RPS6KC1: variants seen among roughly 807,000 people sequenced by gnomAD.
RPS6KC1 encodes the protein ribosomal protein S6 kinase C1, also known as inactive ribosomal protein S6 kinase delta-1.
Under a neutral mutation model 103.8 loss-of-function variants are expected in RPS6KC1, and 54 were observed. The ratio of observed to expected loss-of-function variants is 0.52; its 90% CI spans 0.42 to 0.65. The LOEUF (loss-of-function observed/expected upper bound fraction) is 0.65. Among genes scored for constraint, RPS6KC1 ranks in the 30% least tolerant of loss-of-function variants. The pLI, the probability that RPS6KC1 is intolerant of heterozygous loss-of-function variation, is 0.00. For synonymous variants in RPS6KC1, 439 were observed against 438.7 expected, an observed-to-expected ratio of 1.00 and a Z score of -0.01; for missense variants, 1,151 against 1,253.8, an observed-to-expected ratio of 0.92 and a Z score of 1.24.
At chr1:213,514,915 G>T in the RPS6KC1 span, among the ~76,000 whole-genome samples, 2 of 152,082 alleles carry the variant, frequency 1.3e-5, no homozygotes, top group Non-Finnish European at 2.9e-5. Flanking sequence ...TTTAATGATC[G>T]CCATTCTAAC....
chr1:213,584,038 T>C, the RPS6KC1 span, among the ~76,000 whole-genome samples: 16 of 152,154 alleles, frequency 1.1e-4, no homozygotes, highest in African/African-American at 3.9e-4. Flanking sequence ...TGGGAGATAA[T>C]TGAATCATGG....
the RPS6KC1 span, among the ~76,000 whole-genome samples, chr1:213,489,134 C>G: frequency 6.6e-6 from 1 of 152,164 alleles, no homozygotes; most frequent in Non-Finnish European, 1.5e-5. Flanking sequence ...AAGAAGTCCC[C>G]TGGTAGAATA....
chr1:213,637,331 A>G, the RPS6KC1 span, among the ~76,000 whole-genome samples: 1 of 150,940 alleles, frequency 6.6e-6, no homozygotes. Context: ...TTGTGGCACT[A>G]TTCACAATAG....
chr1:213,318,320 T>C, the RPS6KC1 span, among the ~76,000 whole-genome samples: 2 of 152,248 alleles, frequency 1.3e-5, no homozygotes, highest in African/African-American at 4.8e-5. Flanking sequence ...AGCAAGTAGA[T>C]GGGAGTTCAT....
chr1:213,439,235 A>C, the RPS6KC1 span, among the ~76,000 whole-genome samples: 1 of 152,188 alleles, frequency 6.6e-6, no homozygotes, highest in East Asian at 1.9e-4. Context: ...AGGAAAAACC[A>C]GCACAGAAAG....
chr1:213,468,069 A>G, the RPS6KC1 span, among the ~76,000 whole-genome samples: 3,972 of 152,254 alleles, frequency 0.026, 162 homozygotes, highest in African/African-American at 0.083. Context: ...CTTTTGTTCA[A>G]CAAATTAGAC....
At chr1:213,805,143 G>T in the RPS6KC1 span, among the ~76,000 whole-genome samples, 1 of 152,174 alleles carries the variant, frequency 6.6e-6, no homozygotes, top group Non-Finnish European at 1.5e-5. Flanking sequence ...CCTTTTTGCT[G>T]GTGGAGGGTC....
chr1:213,370,863 C>T, the RPS6KC1 span, among the ~76,000 whole-genome samples: 2 of 152,092 alleles, frequency 1.3e-5, no homozygotes, highest in Non-Finnish European at 2.9e-5. Flanking sequence ...GCATTGAGTA[C>T]CAGAATGGGG....
chr1:213,339,654 C>A, the RPS6KC1 span, among the ~76,000 whole-genome samples: 2 of 152,180 alleles, frequency 1.3e-5, no homozygotes, highest in African/African-American at 4.8e-5. Context: ...TTAATTCTTG[C>A]GGGATTATTT....
intron 5 of RPS6KC1, among the ~76,000 whole-genome samples, chr1:213,119,306 A>G (rs1349617823): frequency 1.3e-5 from 2 of 150,784 alleles, no homozygotes; most frequent in Non-Finnish European, 3.0e-5. Context: ...AATTAGCCAG[A>G]CAAGGTGGCT....
At chr1:213,188,057 C>T (rs1440233208) in intron 8 of RPS6KC1, among the ~76,000 whole-genome samples, 1 of 152,086 alleles carries the variant, frequency 6.6e-6, no homozygotes, top group African/African-American at 2.4e-5. Flanking sequence ...ACCTCTTCTG[C>T]TGAGCAGCCT....
chr1:213,281,273 G>A, the RPS6KC1 span, among the ~76,000 whole-genome samples: 8 of 152,172 alleles, frequency 5.3e-5, no homozygotes, highest in South Asian at 4.1e-4. Context: ...GTAAGGCTCC[G>A]AGTAACTCTT....
At chr1:213,243,250 C>T (rs1012091491) in intron 12 of RPS6KC1, among the ~76,000 whole-genome samples, 7 of 151,388 alleles carry the variant, frequency 4.6e-5, no homozygotes, top group South Asian at 2.1e-4. Flanking sequence ...GCTGGGATTA[C>T]GGGTGCATGC....
chr1:213,829,340 G>A, the RPS6KC1 span, among the ~76,000 whole-genome samples: 2 of 150,756 alleles, frequency 1.3e-5, no homozygotes, highest in Non-Finnish European at 2.9e-5. Context: ...ATTAAAGTCA[G>A]GGAGGCCACA....
intron 8 of RPS6KC1, among the ~76,000 whole-genome samples, chr1:213,181,312 T>A (rs904888226): frequency 6.6e-6 from 1 of 152,238 alleles, no homozygotes; most frequent in Non-Finnish European, 1.5e-5. Context: ...GTCATCGTTA[T>A]AAGAGATGCC....
chr1:213,691,143 G>A, the RPS6KC1 span, among the ~76,000 whole-genome samples: 1,135 of 152,198 alleles, frequency 7.5e-3, 19 homozygotes, highest in East Asian at 0.062. Context: ...AGCTTGTCCC[G>A]TGGAAGCCTC....
chr1:213,650,129 G>A, the RPS6KC1 span, among the ~76,000 whole-genome samples: 4 of 152,094 alleles, frequency 2.6e-5, no homozygotes, highest in East Asian at 1.9e-4. Flanking sequence ...ACATCCAGGC[G>A]CTCCCTATGT....
the RPS6KC1 span, among the ~76,000 whole-genome samples, chr1:213,805,888 G>A: frequency 3.9e-5 from 6 of 152,224 alleles, no homozygotes; most frequent in African/African-American, 1.4e-4. Context: ...GCTGGACAAT[G>A]AATGTTGTGT....
At chr1:213,859,509 G>A in the RPS6KC1 span, among the ~76,000 whole-genome samples, 3 of 152,164 alleles carry the variant, frequency 2.0e-5, no homozygotes, top group South Asian at 2.1e-4. Flanking sequence ...TTGTAAAGAC[G>A]CACCTCTGCC....
Sources: gnomAD v4.1 joint callset for allele counts (sites outside exome capture counted in the v4.1 genomes callset) on GRCh38, gnomAD v4.1.1 for gene constraint, MANE v1.5 for transcripts, NCBI Gene and HGNC (gene_info 2026-07-23, HGNC 2026-07-21) for gene names.